The following G3BP2 variants were observed in gnomAD, a reference collection of about 807,000 sequenced individuals.
The protein encoded by G3BP2 is ras GTPase-activating protein-binding protein 2.
In G3BP2, 11 loss-of-function variants were observed where a neutral mutation model predicts 56.7. The ratio of observed to expected loss-of-function variants is 0.19; its 90% CI spans 0.12 to 0.32. The LOEUF is 0.32. Ranked by LOEUF, G3BP2 falls within the 10% of genes least tolerant of loss-of-function variation. The probability of loss-of-function intolerance (pLI) is 1.00; values close to 1 mark genes in which losing one functional copy is unlikely to be tolerated. For missense variants in G3BP2, 340 were observed against 610.9 expected (o/e 0.56, Z 4.67); for synonymous variants, 165 against 191.6 (o/e 0.86, Z 1.15).
At chr4:75,710,117 G>A (rs1719701056) in intron 3 of G3BP2, among the ~76,000 whole-genome samples, 1 of 152,110 alleles carries the variant, frequency 6.6e-6, no homozygotes, top group Non-Finnish European at 1.5e-5. Flanking sequence ...ACAAGGTGTG[G>A]GATGTGTTTG....
chr4:75,655,940 A>G (rs1732067716), intron 5 of G3BP2, 70 bp from the exon 6 acceptor site: 2 of 842,064 alleles, frequency 2.4e-6, no homozygotes, highest in South Asian at 1.4e-5. Flanking sequence ...TATTTTTAAC[A>G]TGTTTAAGGA....
intron 8 of G3BP2, 39 bp from the exon 9 acceptor site, chr4:75,648,780 C>G: frequency 7.7e-7 from 1 of 1,299,022 alleles, no homozygotes. Flanking sequence ...AAAAAACACT[C>G]CACTGGAGAA....
At chr4:75,703,239 G>A (rs1420956800) in intron 3 of G3BP2, among the ~76,000 whole-genome samples, 1 of 152,144 alleles carries the variant, frequency 6.6e-6, no homozygotes, top group Non-Finnish European at 1.5e-5. Flanking sequence ...AAACACGAGT[G>A]TGGTGCAAGG....
chr4:75,716,581 T>C (rs555629409), intron 3 of G3BP2, among the ~76,000 whole-genome samples: 1 of 152,196 alleles, frequency 6.6e-6, no homozygotes, highest in African/African-American at 2.4e-5. Flanking sequence ...AGTGGCGCGA[T>C]CTCGGCTCAC....
At chr4:75,682,776 T>TC (rs1436590841) in intron 3 of G3BP2, among the ~76,000 whole-genome samples, 1 of 151,796 alleles carries the variant, frequency 6.6e-6, no homozygotes, top group East Asian at 1.9e-4. Context: ...GGTCAGGAGA[T>TC]CGAGACCATC....
chr4:75,682,564 C>G (rs571869678), intron 3 of G3BP2, among the ~76,000 whole-genome samples: 21 of 152,084 alleles, frequency 1.4e-4, no homozygotes, highest in Non-Finnish European at 2.5e-4. Flanking sequence ...CGTTCAGCTC[C>G]CAGGTTATAA....
chr4:75,716,400 C>G (rs1167960046), intron 3 of G3BP2, among the ~76,000 whole-genome samples: 1 of 152,158 alleles, frequency 6.6e-6, no homozygotes, highest in Non-Finnish European at 1.5e-5. Flanking sequence ...GTCTCAAACT[C>G]TTGAGCTCAG....
intron 1 of G3BP2, among the ~76,000 whole-genome samples, chr4:75,665,635 AC>A (rs1249396159): frequency 4.7e-5 from 2 of 42,374 alleles, no homozygotes; most frequent in African/African-American, 1.3e-4. Context: ...AAACACACAC[AC>A]ACACACAAAC....
chr4:75,707,749 T>C (rs1264515003), intron 3 of G3BP2, among the ~76,000 whole-genome samples: 1 of 152,226 alleles, frequency 6.6e-6, no homozygotes, highest in African/African-American at 2.4e-5. Flanking sequence ...AGATAAATTT[T>C]ATGAAATTAA....
At chr4:75,672,887 T>G (rs1733605120) in intron 1 of G3BP2, 1 of 461,014 alleles carries the variant, frequency 2.2e-6, no homozygotes, top group African/African-American at 2.1e-5. Flanking sequence ...CTTCGGGAGC[T>G]GCTGCGTGCC....
At chr4:75,719,768 T>C (rs1720080979) in intron 3 of G3BP2, among the ~76,000 whole-genome samples, 1 of 151,980 alleles carries the variant, frequency 6.6e-6, no homozygotes, top group African/African-American at 2.4e-5. Context: ...TCTGTATTTT[T>C]AGTAGAGACG....
chr4:75,714,674 T>A (rs1198986421), intron 3 of G3BP2, among the ~76,000 whole-genome samples: 1 of 152,164 alleles, frequency 6.6e-6, no homozygotes, highest in Non-Finnish European at 1.5e-5. Flanking sequence ...GTAAAAAGGT[T>A]CACCTTTTGC....
upstream of G3BP2, chr4:75,673,755 G>A (rs1733716489): frequency 2.1e-6 from 1 of 479,538 alleles, no homozygotes; most frequent in Non-Finnish European, 3.3e-6. Context: ...TTTGTAGACT[G>A]ATATTCTGGT....
chr4:75,678,376 T>G (rs1447033464), upstream of G3BP2, among the ~76,000 whole-genome samples: 1 of 151,954 alleles, frequency 6.6e-6, no homozygotes, highest in African/African-American at 2.4e-5. Context: ...AATCTGGTCT[T>G]GATTGCCTGG....
At chr4:75,717,780 A>G (rs372205110) in intron 3 of G3BP2, among the ~76,000 whole-genome samples, 7 of 152,234 alleles carry the variant, frequency 4.6e-5, no homozygotes, top group African/African-American at 1.7e-4. Context: ...GTAACAGTCA[A>G]ATTCTCCACA....
chr4:75,674,785 C>T (rs1449555026), upstream of G3BP2, among the ~76,000 whole-genome samples: 1 of 143,082 alleles, frequency 7.0e-6, no homozygotes, highest in Non-Finnish European at 1.5e-5. Context: ...TGCAATGGCA[C>T]GGTCTTGGCT....
Position 75,657,658 on chromosome 4 carries a change from C to T in G3BP2, c.250G>A (p.Ala84Thr). 2.5e-6 allele frequency: 4 copies of T among 1,612,204 alleles called. No individual in the cohort carries two copies. The highest frequency in any genetic ancestry group is 2.5e-6 in the Non-Finnish European group (3 of 1,178,314). The part of the protein sequence containing the change: ...HTKIRHVDAH[A>T]TLSDGVVVQV... Reference sequence around the variant, plus strand: ...ACAACTACTCCATCACTCAAGGTTGCATGAGCATCCACATGACGAATTTTA... The same window carrying T: ...ACAACTACTCCATCACTCAAGGTTGTATGAGCATCCACATGACGAATTTTA... Residue 84 changes from alanine to threonine, a missense_variant, in exon 4 of 12, where the codon GCA becomes ACA. Transcript: ENST00000359707.
chr4:75,648,557 G>A (rs914280140), intron 9 of G3BP2, 82 bp downstream of exon 9: 4 of 702,790 alleles, frequency 5.7e-6, no homozygotes, highest in Admixed American at 2.2e-5. Context: ...TGTATAGAAC[G>A]CATCATAGTT....
intron 6 of G3BP2, 73 bp downstream of exon 6, chr4:75,655,695 A>G (rs1218008702): frequency 2.5e-6 from 2 of 787,744 alleles, no homozygotes; most frequent in Non-Finnish European, 4.4e-6. Flanking sequence ...ACTTTCAACA[A>G]TAATTCTAGG....
Sources: gnomAD v4.1 joint callset for allele counts (sites outside exome capture counted in the v4.1 genomes callset) on GRCh38, gnomAD v4.1.1 for gene constraint, MANE v1.5 for transcripts, NCBI Gene and HGNC (gene_info 2026-07-23, HGNC 2026-07-21) for gene names.